The following FMR1NB variants were observed in gnomAD, a reference collection of about 807,000 sequenced individuals.
The protein encoded by FMR1NB is FMR1 neighbor.
A neutral mutation model predicts 16.8 loss-of-function variants in FMR1NB; 10 were observed. The ratio of observed to expected loss-of-function variants is 0.60; its 90% CI spans 0.37 to 1.01. The LOEUF is 1.01. FMR1NB is among the 50% of genes least tolerant of loss of function. The pLI, the probability that FMR1NB is intolerant of heterozygous loss-of-function variation, is 0.01. For missense variants in FMR1NB, 205 were observed against 204.8 expected (o/e 1.00, Z 0.00); for synonymous variants, 83 against 79.1 (o/e 1.05, Z -0.26).
intron 4 of FMR1NB, among the ~76,000 whole-genome samples, chrX:148,019,494 A>C (rs1171316808): frequency 4.5e-5 from 5 of 111,562 alleles, no homozygotes; most frequent in African/African-American, 1.6e-4. Context: ...GGCATTGAAG[A>C]GTTAGGTATT....
rs2044446526 is a variant in FMR1NB, at chrX:147,981,560, C to T, written c.158C>T (p.Pro53Leu). The change falls in exon 1 of 6, where the codon CCT (proline) becomes CTT (leucine). Residue 53 changes from proline (P) to leucine (L), a missense_variant. Physicochemically the swap from Pro to Leu is moderately conservative, Grantham distance 98. Coordinates refer to ENST00000370467, the MANE Select transcript of FMR1NB (RefSeq NM_152578.3). The stretch of plus-strand genomic sequence containing the variant: ...TACGAGGCCGCCATGGCTGACAGGC[C>T]TCAGCCAGGATGGCGGGAATCTCTA... The part of the protein sequence containing the change: ...PGYEAAMADR[P>L]QPGWRESLKM... The T allele has an allele frequency of 8.3e-7, 1 of 1,210,086 alleles. No individual in the cohort carries two copies. Among genetic ancestry groups the T allele is most frequent in the African/African-American group, 1.7e-5 (1 of 57,200 alleles).
intron 1 of FMR1NB, among the ~76,000 whole-genome samples, chrX:147,986,240 T>A (rs1474155543): frequency 8.9e-6 from 1 of 112,503 alleles, no homozygotes; most frequent in African/African-American, 3.2e-5. Flanking sequence ...GATGGATAGA[T>A]TGCAAAAATT....
chrX:148,006,509 G>T (rs988685841), intron 2 of FMR1NB, among the ~76,000 whole-genome samples, 193 bp from the exon 3 acceptor site: 1 of 112,187 alleles, frequency 8.9e-6, no homozygotes, highest in Non-Finnish European at 1.9e-5. Context: ...AATTCACCTA[G>T]ATTTGAAAAT....
chrX:147,994,102 CCA>C (rs1472888041), intron 1 of FMR1NB, among the ~76,000 whole-genome samples: 1 of 111,461 alleles, frequency 9.0e-6, no homozygotes, highest in Admixed American at 9.6e-5. Context: ...CTTAGATTTC[CCA>C]CAGTCTCCTG....
At chrX:148,022,961 T>A (rs1002189920) in intron 4 of FMR1NB, among the ~76,000 whole-genome samples, 1 of 111,893 alleles carries the variant, frequency 8.9e-6, no homozygotes, top group Non-Finnish European at 1.9e-5. Context: ...TTCAAAAATT[T>A]CTGCAAACCT....
At chrX:147,995,099 C>T (rs1169506427) in intron 1 of FMR1NB, among the ~76,000 whole-genome samples, 2 of 111,842 alleles carry the variant, frequency 1.8e-5, no homozygotes, top group Non-Finnish European at 3.8e-5. Context: ...ACTATTTCAA[C>T]CTGCAAGCCA....
At chrX:148,009,948 C>T (rs1429727009) in intron 4 of FMR1NB, among the ~76,000 whole-genome samples, 1 of 111,831 alleles carries the variant, frequency 8.9e-6, no homozygotes, top group Non-Finnish European at 1.9e-5. Flanking sequence ...CCATGAATAA[C>T]AATAAAGTAA....
intron 5 of FMR1NB, among the ~76,000 whole-genome samples, chrX:148,025,334 G>A (rs1352240656): frequency 9.0e-6 from 1 of 111,128 alleles, no homozygotes; most frequent in Non-Finnish European, 1.9e-5. Context: ...AAATAATGAA[G>A]GCCACAGTCC....
chrX:148,012,672 A>G, intron 4 of FMR1NB, among the ~76,000 whole-genome samples: 1 of 111,398 alleles, frequency 9.0e-6, no homozygotes, highest in Non-Finnish European at 1.9e-5. Flanking sequence ...ATTTAGACCA[A>G]TCCTGCTGCA....
chrX:148,013,155 A>G (rs1368633019), intron 4 of FMR1NB, among the ~76,000 whole-genome samples: 1 of 111,741 alleles, frequency 8.9e-6, no homozygotes, highest in Non-Finnish European at 1.9e-5. Flanking sequence ...TACTGAAATA[A>G]TAAGAGAACC....
intron 1 of FMR1NB, among the ~76,000 whole-genome samples, chrX:148,001,038 A>G (rs1243645754): frequency 3.6e-5 from 4 of 112,082 alleles, no homozygotes; most frequent in African/African-American, 1.3e-4. Context: ...TATGTATAAA[A>G]ATCAATAGCT....
At chrX:148,019,942 C>T (rs1430729702) in intron 4 of FMR1NB, among the ~76,000 whole-genome samples, 21 of 112,266 alleles carry the variant, frequency 1.9e-4, no homozygotes, top group South Asian at 7.4e-4. Context: ...CACTGGGACT[C>T]TACAAACAGC....
At chrX:148,018,809 A>C (rs1038711070) in intron 4 of FMR1NB, among the ~76,000 whole-genome samples, 5 of 111,782 alleles carry the variant, frequency 4.5e-5, no homozygotes, top group Admixed American at 1.9e-4. Context: ...ACAACAAAAG[A>C]CAAAATTGAC....
intron 1 of FMR1NB, among the ~76,000 whole-genome samples, chrX:147,981,960 G>A (rs1382084332): frequency 4.5e-5 from 5 of 111,038 alleles, no homozygotes; most frequent in African/African-American, 1.3e-4. Flanking sequence ...CTCACTTCCC[G>A]CCACAAAATA....
Position 147,994,207 on chromosome X carries a change from G to A in FMR1NB, c.278-8994G>A, listed in dbSNP as rs1384241510. Among the ~76,000 whole-genome samples the A allele has an allele frequency of 7.2e-5, 8 of 111,132 alleles. No homozygotes were observed. In the East Asian group the frequency reaches 1.1e-3, roughly 16 times the overall value. On this transcript the variant is annotated intron_variant, in intron 1 of 5. Transcript: ENST00000370467. Reference sequence around the variant, plus strand: ...TCCCTGCTCTCCCTAGAGGTTTTCCGTCTTCTCAACCAAGGTCCACCCACA... The same window carrying A: ...TCCCTGCTCTCCCTAGAGGTTTTCCATCTTCTCAACCAAGGTCCACCCACA...
chrX:148,020,438 C>T (rs782664369), intron 4 of FMR1NB, among the ~76,000 whole-genome samples: 1 of 112,141 alleles, frequency 8.9e-6, no homozygotes, highest in Non-Finnish European at 1.9e-5. Context: ...ATTCCCTTTA[C>T]TTTTCCCACT....
chrX:148,000,121 T>C (rs782653446), intron 1 of FMR1NB, among the ~76,000 whole-genome samples: 3 of 111,751 alleles, frequency 2.7e-5, no homozygotes, highest in Non-Finnish European at 5.7e-5. Context: ...AAAGAAGATA[T>C]TATCATTGAT....
intron 1 of FMR1NB, among the ~76,000 whole-genome samples, chrX:147,987,396 T>TGTGCC (rs1278717001): frequency 8.9e-6 from 1 of 112,060 alleles, no homozygotes; most frequent in Non-Finnish European, 1.9e-5. Context: ...ATCCTTGTCT[T>TGTGCC]GTGCCGGTTT....
chrX:147,993,223 C>T (rs1179904153), intron 1 of FMR1NB, among the ~76,000 whole-genome samples: 11 of 113,003 alleles, frequency 9.7e-5, no homozygotes, highest in African/African-American at 1.6e-4. Flanking sequence ...GAGACCGGCC[C>T]GGCCAACACA....
Sources: gnomAD v4.1 joint callset for allele counts (sites outside exome capture counted in the v4.1 genomes callset) on GRCh38, gnomAD v4.1.1 for gene constraint, MANE v1.5 for transcripts, NCBI Gene and HGNC (gene_info 2026-07-23, HGNC 2026-07-21) for gene names.